The following DSE variants were observed in gnomAD, a reference collection of about 807,000 sequenced individuals.
DSE encodes dermatan-sulfate epimerase.
Under a neutral mutation model 84.4 loss-of-function variants are expected in DSE, and 36 were observed. That is an observed-to-expected ratio of 0.43 (90% CI 0.33 to 0.56). DSE has a LOEUF of 0.56. Among genes scored for constraint, DSE ranks in the 20% least tolerant of loss-of-function variants. The pLI is 0.06. For synonymous variants in DSE, 410 were observed against 430.1 expected, an observed-to-expected ratio of 0.95 and a Z score of 0.58; for missense variants, 862 against 1,169.6, an observed-to-expected ratio of 0.74 and a Z score of 3.84.
chr6:116,278,652 A>C (rs1262450346), intron 2 of DSE: 1 of 1,613,976 alleles, frequency 6.2e-7, no homozygotes, highest in East Asian at 2.2e-5. Flanking sequence ...TAATAATCTC[A>C]GCAATTTTGT....
chr6:116,437,407 T>A lies in DSE; in HGVS notation c.*62T>A, dbSNP rs1272702426. ...ACAAGAGTCTATGCAAAAAAAAAAA[T>A]TTCTTTACCCCAGATTATCAGATTT... is the stretch of plus-strand genomic sequence containing the variant. On this transcript the variant is annotated 3_prime_UTR_variant, in exon 6 of 6. Coordinates refer to ENST00000644252, the MANE Select transcript of DSE (RefSeq NM_013352.4). The A allele has an allele frequency of 4.4e-6, 6 of 1,352,594 alleles. No homozygotes were observed. Among genetic ancestry groups the A allele is most frequent in the Non-Finnish European group, 5.9e-6 (6 of 1,023,508 alleles). 83.8% of individuals were successfully genotyped at this position (1,352,594 alleles called of 1,614,324 possible).
chr6:116,405,641 T>G (rs562320235), intron 2 of DSE, among the ~76,000 whole-genome samples: 2 of 152,340 alleles, frequency 1.3e-5, no homozygotes, highest in Admixed American at 1.3e-4. Context: ...TTATGAGGCT[T>G]TTTACAACGA....
chr6:116,427,376 T>G lies in DSE; in HGVS notation c.670+549T>G, dbSNP rs1046650243. On this transcript the variant is annotated intron_variant, in intron 3 of 5. Coordinates refer to ENST00000644252, the MANE Select transcript of DSE (RefSeq NM_013352.4). ...TACATTTTCTTTGTTCTTTTAACTC[T>G]AAATTACAACTTCTGTAGAAATCTA... 2.6e-5 allele frequency among the ~76,000 whole-genome samples: 4 copies of G among 152,238 alleles called. No homozygotes were observed. The East Asian group carries it at 7.7e-4, about 29-fold the overall frequency.
At chr6:116,265,952 G>A (rs140867178) in intron 2 of DSE, among the ~76,000 whole-genome samples, 2 of 152,248 alleles carry the variant, frequency 1.3e-5, no homozygotes, top group African/African-American at 4.8e-5. Flanking sequence ...CTGCCACCTT[G>A]AGTGTCCATG....
intron 1 of DSE, among the ~76,000 whole-genome samples, chr6:116,391,863 G>A (rs371619108): frequency 5.9e-5 from 9 of 151,794 alleles, no homozygotes; most frequent in East Asian, 5.8e-4. Flanking sequence ...TTTAGGGAAC[G>A]ATTCTGCAGT....
intron 1 of DSE, among the ~76,000 whole-genome samples, chr6:116,257,022 A>G (rs1213467305): frequency 2.0e-5 from 3 of 152,258 alleles, no homozygotes; most frequent in Non-Finnish European, 4.4e-5. Flanking sequence ...TCAAACATAA[A>G]TTAATACAGT....
chr6:116,372,880 A>C (rs891482044), intron 1 of DSE, among the ~76,000 whole-genome samples: 1 of 152,210 alleles, frequency 6.6e-6, no homozygotes, highest in Non-Finnish European at 1.5e-5. Context: ...AACCTGAGAA[A>C]CATCAATAAG....
chr6:116,359,375 A>G (rs1302243857), intron 2 of DSE, among the ~76,000 whole-genome samples: 1 of 152,060 alleles, frequency 6.6e-6, no homozygotes, highest in African/African-American at 2.4e-5. Flanking sequence ...CCATACTATT[A>G]TTTTTTTAAC....
At chr6:116,304,853 A>G (rs1307182921) in intron 2 of DSE, among the ~76,000 whole-genome samples, 1 of 152,184 alleles carries the variant, frequency 6.6e-6, no homozygotes, top group Non-Finnish European at 1.5e-5. Context: ...TTGTCATTCT[A>G]CTATCTTTAT....
chr6:116,335,025 T>C (rs146247294), intron 2 of DSE, among the ~76,000 whole-genome samples: 61 of 152,280 alleles, frequency 4.0e-4, no homozygotes, highest in Non-Finnish European at 3.7e-4. Flanking sequence ...CATTACTGTA[T>C]ATATACTCAA....
chr6:116,376,480 T>G (rs1779939322), intron 1 of DSE, among the ~76,000 whole-genome samples: 1 of 152,232 alleles, frequency 6.6e-6, no homozygotes, highest in Admixed American at 6.5e-5. Flanking sequence ...GATTTTAATT[T>G]GGAAAGAGAA....
chr6:116,364,426 A>G (rs527678564), intron 2 of DSE, among the ~76,000 whole-genome samples: 119 of 152,366 alleles, frequency 7.8e-4, no homozygotes, highest in African/African-American at 2.8e-3. Flanking sequence ...CATCTAAAAG[A>G]TACTATAAAT....
intron 2 of DSE, among the ~76,000 whole-genome samples, chr6:116,297,594 T>C (rs1398981347): frequency 6.6e-6 from 1 of 152,244 alleles, no homozygotes; most frequent in African/African-American, 2.4e-5. Flanking sequence ...GATTATTTGA[T>C]TTGTTAGACA....
chr6:116,358,185 C>T (rs1778684260), intron 2 of DSE, among the ~76,000 whole-genome samples: 1 of 152,190 alleles, frequency 6.6e-6, no homozygotes, highest in Admixed American at 6.5e-5. Context: ...CTCTTTCCTA[C>T]ATGACTTGTA....
chr6:116,315,674 G>A (rs1488335874), intron 2 of DSE, among the ~76,000 whole-genome samples: 1 of 152,118 alleles, frequency 6.6e-6, no homozygotes, highest in Admixed American at 6.5e-5. Context: ...CATCATGCTT[G>A]TTTCACATGA....
rs185603984 is a variant in DSE, at chr6:116,332,057, T to C, written c.-53-67141T>C. Among the ~76,000 whole-genome samples, 1,097 of 152,296 alleles carry C rather than the reference T, an allele frequency of 7.2e-3. 13 individuals are homozygous for C. The highest frequency in any genetic ancestry group is 8.5e-3 in the Non-Finnish European group (577 of 68,024). On this transcript the variant is annotated intron_variant, in intron 2 of 3. Coordinates refer to the DSE transcript ENST00000430252. The stretch of plus-strand genomic sequence containing the variant: ...GTTCTTAGAATTGAGTTTAATAAAA[T>C]TGTATCCCAGCAACCTTGTTAAACT...
intron 2 of DSE, among the ~76,000 whole-genome samples, chr6:116,350,929 C>T (rs1421230220): frequency 2.0e-5 from 3 of 150,440 alleles, no homozygotes; most frequent in Admixed American, 6.6e-5. Context: ...AAAAAAAGTC[C>T]TGAAAGTCCT....
intron 2 of DSE, among the ~76,000 whole-genome samples, chr6:116,286,289 A>G (rs1773899541): frequency 6.6e-6 from 1 of 152,186 alleles, no homozygotes; most frequent in African/African-American, 2.4e-5. Flanking sequence ...AGCAATTGTG[A>G]ATGGAAGGTG....
At chr6:116,335,808 T>C (rs1423470758) in intron 2 of DSE, among the ~76,000 whole-genome samples, 2 of 152,226 alleles carry the variant, frequency 1.3e-5, no homozygotes, top group Non-Finnish European at 2.9e-5. Flanking sequence ...AGAAGACCTC[T>C]TTATTATGCT....
Sources: allele counts gnomAD v4.1 joint callset (sites outside exome capture counted in the v4.1 genomes callset), GRCh38; gene constraint gnomAD v4.1.1; transcripts MANE v1.5; gene names NCBI Gene and HGNC (gene_info 2026-07-23, HGNC 2026-07-21).